The following RBFOX1 variants were observed in gnomAD, a reference collection of about 807,000 sequenced individuals.
The protein encoded by RBFOX1 is RNA binding protein fox-1 homolog 1.
RBFOX1 carries 8 observed loss-of-function variants against 57.7 expected under a neutral mutation model. The observed-to-expected ratio is 0.14, with a 90% confidence interval of 0.08 to 0.25. The LOEUF is 0.25. Among genes scored for constraint, RBFOX1 ranks in the 10% least tolerant of loss-of-function variants. The pLI is 1.00. For synonymous variants in RBFOX1, 326 were observed against 222.4 expected (o/e 1.47, Z -4.15); for missense variants, 611 against 548.5 (o/e 1.11, Z -1.14).
At chr16:6,913,044 G>A (rs1049664542) in intron 3 of RBFOX1, among the ~76,000 whole-genome samples, 1 of 152,156 alleles carries the variant, frequency 6.6e-6, no homozygotes, top group East Asian at 1.9e-4. Context: ...GCTTCTGATG[G>A]GTGGAAAAGA....
At chr16:5,615,769 G>C (rs1477998930) in intron 3 of RBFOX1, among the ~76,000 whole-genome samples, 1 of 152,244 alleles carries the variant, frequency 6.6e-6, no homozygotes. Flanking sequence ...AAGGACCCCA[G>C]ATGATGAGTG....
chr16:7,223,569 G>C (rs749354585), intron 4 of RBFOX1, among the ~76,000 whole-genome samples: 1 of 152,162 alleles, frequency 6.6e-6, no homozygotes, highest in Non-Finnish European at 1.5e-5. Flanking sequence ...GCCAGTAATT[G>C]TGCAGGAGAT....
At chr16:7,567,381 A>C (rs2092052015) in intron 5 of RBFOX1, among the ~76,000 whole-genome samples, 1 of 135,874 alleles carries the variant, frequency 7.4e-6, no homozygotes, top group Non-Finnish European at 1.6e-5. Context: ...ATATATCCCT[A>C]TGTATGGCCC....
intron 4 of RBFOX1, among the ~76,000 whole-genome samples, chr16:5,919,962 G>A (rs942671707): frequency 4.6e-5 from 7 of 151,694 alleles, no homozygotes; most frequent in Non-Finnish European, 8.8e-5. Flanking sequence ...TTTTTTAGAC[G>A]GAGTCTCGCA....
intron 2 of RBFOX1, among the ~76,000 whole-genome samples, chr16:6,501,418 G>A (rs960894180): frequency 6.6e-6 from 1 of 150,608 alleles, no homozygotes; most frequent in Non-Finnish European, 1.5e-5. Flanking sequence ...GCGATAGTTT[G>A]CTAAGAATGA....
At chr16:7,613,929 G>C (rs907806798) in intron 10 of RBFOX1, among the ~76,000 whole-genome samples, 2 of 152,166 alleles carry the variant, frequency 1.3e-5, no homozygotes, top group African/African-American at 4.8e-5. Flanking sequence ...TGGGCTCAGG[G>C]TGATTTGGCT....
intron 4 of RBFOX1, among the ~76,000 whole-genome samples, chr16:7,072,970 T>C (rs2057628231): frequency 6.6e-6 from 1 of 152,216 alleles, no homozygotes; most frequent in Admixed American, 6.5e-5. Context: ...CCCTGAGTTC[T>C]TGGCTGAGGA....
intron 11 of RBFOX1, among the ~76,000 whole-genome samples, chr16:7,636,239 G>A (rs183163979): frequency 6.6e-6 from 1 of 152,344 alleles, no homozygotes; most frequent in Admixed American, 6.5e-5. Flanking sequence ...CTTCCAGCAT[G>A]CTTGCCAGCA....
chr16:6,866,079 A>G (rs569020781), intron 3 of RBFOX1, among the ~76,000 whole-genome samples: 1 of 152,314 alleles, frequency 6.6e-6, no homozygotes, highest in East Asian at 1.9e-4. Context: ...AGAAGCCAAA[A>G]GATGATATTT....
rs2152241362 is a variant in RBFOX1, at chr16:7,147,651, G to T, written c.27+95553G>T. Among the ~76,000 whole-genome samples the T allele has an allele frequency of 1.3e-5, 2 of 152,192 alleles. 1 individual carries two copies. The highest frequency in any genetic ancestry group is 6.8e-3 in the Middle Eastern group (2 of 294). ...ACGTTGCTGCAATGAACATGATTTT[G>T]TTCTTTTTTATGGCTGTATAGTATT... is the stretch of plus-strand genomic sequence containing the variant. On this transcript the variant is annotated intron_variant, in intron 4 of 15. Transcript: ENST00000550418.
intron 1 of RBFOX1, among the ~76,000 whole-genome samples, chr16:6,210,328 ACAAAAAAACAAAAAAAC>A (rs2097285296): frequency 1.7e-5 from 2 of 117,366 alleles, no homozygotes; most frequent in Admixed American, 1.0e-4. Flanking sequence ...AAAAAAAAAA[ACAAAAAAACAAAAAAAC>A]AAAAAAAAAA....
chr16:6,892,620 A>C (rs1247402879), intron 3 of RBFOX1, among the ~76,000 whole-genome samples: 1 of 152,202 alleles, frequency 6.6e-6, no homozygotes, highest in Non-Finnish European at 1.5e-5. Context: ...CAGTAAGGCA[A>C]GATTGCACCA....
intron 1 of RBFOX1, among the ~76,000 whole-genome samples, chr16:6,168,503 T>C (rs2096934368): frequency 6.6e-6 from 1 of 152,208 alleles, no homozygotes; most frequent in Non-Finnish European, 1.5e-5. Flanking sequence ...AATGAGCCTA[T>C]AGCAATTCAA....
chr16:5,838,288 C>T (rs184690375), intron 3 of RBFOX1: 71 of 223,016 alleles, frequency 3.2e-4, no homozygotes, highest in African/African-American at 1.5e-3. Flanking sequence ...GTATGGGTGG[C>T]GGCCTGCCTC....
chr16:6,289,638 A>G (rs1044505932), intron 1 of RBFOX1, among the ~76,000 whole-genome samples: 1 of 152,146 alleles, frequency 6.6e-6, no homozygotes, highest in Non-Finnish European at 1.5e-5. Context: ...AACAAGACTA[A>G]TTTTGACTCA....
At chr16:6,908,297 C>G (rs534746364) in intron 3 of RBFOX1, among the ~76,000 whole-genome samples, 1 of 151,704 alleles carries the variant, frequency 6.6e-6, no homozygotes, top group African/African-American at 2.4e-5. Context: ...GGCCTGCACC[C>G]CCAGCCTCTG....
chr16:6,538,292 C>T (rs1413124101), intron 2 of RBFOX1, among the ~76,000 whole-genome samples: 1 of 152,056 alleles, frequency 6.6e-6, no homozygotes, highest in Non-Finnish European at 1.5e-5. Flanking sequence ...GAGTTTTATA[C>T]CAGCCTGGGC....
chr16:7,304,300 A>G lies in RBFOX1; in HGVS notation c.28-213847A>G, dbSNP rs866132282. ...GATAACCAGCAAAATTAAAAAAGAAAAAAAAAAATTGTAGCGCCCAGGCAG... is the reference window on the plus strand; with the variant it reads ...GATAACCAGCAAAATTAAAAAAGAAGAAAAAAAATTGTAGCGCCCAGGCAG... On this transcript the variant is annotated intron_variant, in intron 4 of 15. Coordinates refer to ENST00000550418, the MANE Select transcript of RBFOX1 (RefSeq NM_018723.4). 6 of 985,232 alleles carry G rather than the reference A, an allele frequency of 6.1e-6. No homozygotes were observed. In the African/African-American group the frequency reaches 7.0e-5, roughly 11 times the overall value. The allele number at this position is 985,232 out of a possible 1,614,324, so 61.0% of individuals were successfully genotyped here.
intron 14 of RBFOX1, among the ~76,000 whole-genome samples, chr16:7,692,354 A>G (rs566781461): frequency 2.0e-5 from 3 of 152,280 alleles, no homozygotes; most frequent in African/African-American, 7.2e-5. Flanking sequence ...ACCTCTTGCA[A>G]CAGTAAAACT....
Sources: allele counts gnomAD v4.1 joint callset (sites outside exome capture counted in the v4.1 genomes callset), GRCh38; gene constraint gnomAD v4.1.1; transcripts MANE v1.5; gene names NCBI Gene and HGNC (gene_info 2026-07-23, HGNC 2026-07-21).